The following MRE11 variants were observed in gnomAD, a reference collection of about 807,000 sequenced individuals.
MRE11 encodes MRE11 double strand break repair nuclease.
Under a neutral mutation model 91.7 loss-of-function variants are expected in MRE11, and 62 were observed. The observed-to-expected ratio is 0.68, with a 90% CI of 0.55 to 0.84. The LOEUF is 0.84. MRE11 is among the 40% of genes least tolerant of loss of function. The pLI, the probability that MRE11 is intolerant of heterozygous loss-of-function variation, is 0.00. For synonymous variants in MRE11, 273 were observed against 271.4 expected (o/e 1.01, Z -0.06); for missense variants, 796 against 852.9 (o/e 0.93, Z 0.83).
In MRE11 at chr11:94,416,260, T is replaced by A. The variant is rs1020152226; in HGVS notation, c.*3865A>T. Reference sequence around the variant, plus strand: ...TCTGAATTTGAAGAATAAAAATGCATTGCTTTCACCACTTAAAAAGAGCTA... The same window carrying A: ...TCTGAATTTGAAGAATAAAAATGCAATGCTTTCACCACTTAAAAAGAGCTA... On this transcript the variant is annotated 3_prime_UTR_variant, in exon 20 of 20. Coordinates refer to ENST00000323929, the MANE Select transcript of MRE11 (RefSeq NM_005591.4). 4 of 152,202 alleles carry A rather than the reference T, an allele frequency of 2.6e-5. No homozygotes were observed. The highest frequency in any genetic ancestry group is 5.9e-5 in the Non-Finnish European group (4 of 68,044). 9.4% of individuals were successfully genotyped at this position (152,202 alleles called of 1,614,324 possible). A position where few individuals can be genotyped will look rare whatever the true frequency, so the allele number is the denominator to read the frequency against.
chr11:94,471,510 A>C, intron 8 of MRE11, 64 bp downstream of exon 8: 1 of 1,509,696 alleles, frequency 6.6e-7, no homozygotes, highest in Non-Finnish European at 9.2e-7. Context: ...CCTTAAACCT[A>C]TGAGATGATT....
Position 94,447,336 on chromosome 11 carries a change from T to C in MRE11, c.1666A>G (p.Asn556Asp), listed in dbSNP as rs1232131981. ...GCTGAGATGCTATCATCAGAGTCAT[T>C]AGCCATCTGTTCTGCTAAATCTATA... ...MSIDLAEQMA[N>D]DSDDSISAAT... The change falls in exon 15 of 20, where the codon AAT (asparagine) becomes GAT (aspartate). Residue 556 changes from asparagine (N) to aspartate (D), a missense_variant. Coordinates refer to ENST00000323929, the MANE Select transcript of MRE11 (RefSeq NM_005591.4). 4 of 1,614,030 alleles carry C rather than the reference T, an allele frequency of 2.5e-6. No individual in the cohort carries two copies. The highest frequency in any genetic ancestry group is 3.4e-6 in the Non-Finnish European group (4 of 1,180,024).
chr11:94,461,169 T>C, intron 11 of MRE11, 133 bp from the exon 12 acceptor site: 2 of 725,682 alleles, frequency 2.8e-6, no homozygotes, highest in South Asian at 1.8e-5. Flanking sequence ...TGGTAAATTT[T>C]GAGGCAAAAC....
chr11:94,510,965 A>G, the MRE11 span, among the ~76,000 whole-genome samples: 6 of 152,208 alleles, frequency 3.9e-5, no homozygotes, highest in East Asian at 1.9e-4. Flanking sequence ...CTTAGCACAT[A>G]TAATAGCTCC....
intron 3 of MRE11, among the ~76,000 whole-genome samples, chr11:94,487,140 T>C (rs1207534445): frequency 6.6e-6 from 1 of 152,164 alleles, no homozygotes; most frequent in African/African-American, 2.4e-5. Flanking sequence ...TGTTGCTTAA[T>C]GGGTGTCATT....
chr11:94,473,105 A>G (rs576509191), intron 7 of MRE11: 1 of 152,256 alleles, frequency 6.6e-6, no homozygotes, highest in East Asian at 1.9e-4. Context: ...AGAAGAGCAG[A>G]TGGTGCTAAA....
At chr11:94,444,903 T>C (rs1396785670) in intron 16 of MRE11, among the ~76,000 whole-genome samples, 1 of 152,026 alleles carries the variant, frequency 6.6e-6, no homozygotes, top group Non-Finnish European at 1.5e-5. Context: ...AATATACATA[T>C]GAATATATTC....
At chr11:94,443,575 T>C (rs1023301362) in intron 16 of MRE11, among the ~76,000 whole-genome samples, 1 of 152,172 alleles carries the variant, frequency 6.6e-6, no homozygotes, top group Non-Finnish European at 1.5e-5. Flanking sequence ...CCAGGTCCAT[T>C]CTATCAGATG....
chr11:94,501,312 GT>G, the MRE11 span, among the ~76,000 whole-genome samples: 7 of 152,150 alleles, frequency 4.6e-5, no homozygotes, highest in African/African-American at 1.7e-4. Context: ...GTAATTTTAT[GT>G]TTTTAGCATG....
chr11:94,480,475 T>C (rs1591709825), intron 4 of MRE11, among the ~76,000 whole-genome samples: 1 of 152,224 alleles, frequency 6.6e-6, no homozygotes, highest in South Asian at 2.1e-4. Flanking sequence ...TCCCTACCAA[T>C]GGACATTTAG....
At chr11:94,427,748 G>A (rs555276176) in intron 19 of MRE11, among the ~76,000 whole-genome samples, 7 of 151,522 alleles carry the variant, frequency 4.6e-5, no homozygotes, top group East Asian at 3.9e-4. Context: ...CACCAATAAC[G>A]TTCAAGCTGA....
At chr11:94,483,853 A>G (rs1947071735) in intron 4 of MRE11, 1 of 151,990 alleles carries the variant, frequency 6.6e-6, no homozygotes, top group Non-Finnish European at 1.5e-5. Flanking sequence ...AAAAGCAAAA[A>G]TTAAATAAAT....
In MRE11 at chr11:94,417,716, A is replaced by G. The variant is rs898869017; in HGVS notation, c.*2409T>C. On this transcript the variant is annotated 3_prime_UTR_variant, in exon 20 of 20. Transcript: ENST00000323929. ...GAGGGATTCCATCAGTGCTCAATTTATAATTATTTATTCAACCATATGACT... is the reference window on the plus strand; with the variant it reads ...GAGGGATTCCATCAGTGCTCAATTTGTAATTATTTATTCAACCATATGACT... 4.7e-5 allele frequency: 11 copies of G among 233,010 alleles called. No individual in the cohort carries two copies. The highest frequency in any genetic ancestry group is 2.8e-4 in the Admixed American group (5 of 17,800). The allele number at this position is 233,010 out of a possible 1,614,324, so 14.4% of individuals were successfully genotyped here.
chr11:94,425,220 C>T (rs2134761164), intron 19 of MRE11, among the ~76,000 whole-genome samples: 1 of 152,242 alleles, frequency 6.6e-6, no homozygotes, highest in Non-Finnish European at 1.5e-5. Flanking sequence ...AAAAGAAATT[C>T]TAACCAAGAA....
rs188770673 is a variant in MRE11, at chr11:94,461,158, A to G, written c.1226-122T>C. ...TTTAGCAACTGCCAGCTTGCTCAAC[A>G]TGGTAAATTTTGAGGCAAAACAAGC... On this transcript the variant is annotated intron_variant, in intron 11 of 19. Coordinates refer to ENST00000323929, the MANE Select transcript of MRE11 (RefSeq NM_005591.4). 748 of 773,742 alleles carry G rather than the reference A, an allele frequency of 9.7e-4. 2 individuals carry two copies. The highest frequency in any genetic ancestry group is 2.4e-3 in the South Asian group (138 of 57,774). The allele number at this position is 773,742 out of a possible 1,614,324, so 47.9% of individuals were successfully genotyped here. A position where few individuals can be genotyped will look rare whatever the true frequency, so the allele number is the denominator to read the frequency against.
At chr11:94,430,035 T>C (rs370008118) in intron 18 of MRE11, 49 bp from the exon 19 acceptor site, 16 of 1,582,918 alleles carry the variant, frequency 1.0e-5, no homozygotes, top group Non-Finnish European at 1.4e-5. Context: ...ACATAATTCA[T>C]CAAGTGTGCC....
chr11:94,448,147 C>T (rs1269124799), intron 14 of MRE11, among the ~76,000 whole-genome samples: 14 of 152,072 alleles, frequency 9.2e-5, no homozygotes, highest in Admixed American at 9.2e-4. Flanking sequence ...GCCGTTATCT[C>T]TGGGCACTAA....
intron 16 of MRE11, among the ~76,000 whole-genome samples, chr11:94,437,526 T>C (rs1945653544): frequency 6.6e-6 from 1 of 152,200 alleles, no homozygotes; most frequent in Non-Finnish European, 1.5e-5. Flanking sequence ...GGATAAAATC[T>C]AATCACCTAA....
At chr11:94,430,296 TA>T (rs964332095) in intron 18 of MRE11, among the ~76,000 whole-genome samples, 3 of 152,170 alleles carry the variant, frequency 2.0e-5, no homozygotes, top group Admixed American at 2.0e-4. Context: ...TTAATATGCT[TA>T]AACACTTAGA....
Sources: allele counts gnomAD v4.1 joint callset (sites outside exome capture counted in the v4.1 genomes callset), GRCh38; gene constraint gnomAD v4.1.1; transcripts MANE v1.5; gene names NCBI Gene and HGNC (gene_info 2026-07-23, HGNC 2026-07-21).